Variants in BANP observed in about 807,000 individuals in gnomAD.
BANP encodes the protein protein BANP.
In BANP, 11 loss-of-function variants were observed where a neutral mutation model predicts 68.1. That is an observed-to-expected ratio of 0.16 (90% CI 0.10 to 0.27). The LOEUF (loss-of-function observed/expected upper bound fraction) is 0.27. BANP is among the 10% of genes least tolerant of loss of function. BANP has a pLI of 1.00. For missense variants in BANP, 504 were observed against 722.7 expected (o/e 0.70, Z 3.47); for synonymous variants, 329 against 303.2 (o/e 1.09, Z -0.88).
intron 7 of BANP, among the ~76,000 whole-genome samples, chr16:88,026,196 T>G (rs2076954777): frequency 6.6e-6 from 1 of 152,178 alleles, no homozygotes; most frequent in South Asian, 2.1e-4. Flanking sequence ...GTGTGCACGG[T>G]GAGCCCCAGG....
chr16:87,997,639 G>C (rs1466223267), intron 4 of BANP, among the ~76,000 whole-genome samples: 2 of 152,166 alleles, frequency 1.3e-5, no homozygotes, highest in African/African-American at 4.8e-5. Context: ...TCATGGTAAA[G>C]TGGGTGAAGT....
At chr16:88,038,822 T>C (rs11859226) in intron 11 of BANP, among the ~76,000 whole-genome samples, 9,585 of 152,256 alleles carry the variant, frequency 0.063, 572 homozygotes, top group African/African-American at 0.16. Flanking sequence ...TCTGGATCAC[T>C]GAAGAATCTG....
In BANP at chr16:88,018,279, T is replaced by C. The variant is rs2075064266; in HGVS notation, c.656-149T>C. 2.0e-6 allele frequency: 2 copies of C among 1,008,708 alleles called. No individual in the cohort carries two copies. Among genetic ancestry groups the C allele is most frequent in the African/African-American group, 3.2e-5 (2 of 62,474 alleles). The allele number at this position is 1,008,708 out of a possible 1,614,324, so 62.5% of individuals were successfully genotyped here. A position where few individuals can be genotyped will look rare whatever the true frequency, so the allele number is the denominator to read the frequency against. ...GGGCAGCAGTCGGAGGCTCCAGCGC[T>C]CTTGGTGACTGCCTCACAAGTTACG... On this transcript the variant is annotated intron_variant, in intron 6 of 13. Coordinates refer to ENST00000682872, the MANE Select transcript of BANP (RefSeq NM_001386991.1). The surrounding 1 kb of genome is among the most constrained non-coding windows in gnomAD (Gnocchi z 7.7).
chr16:87,980,036 G>A (rs921087204), intron 2 of BANP, among the ~76,000 whole-genome samples: 1 of 152,218 alleles, frequency 6.6e-6, no homozygotes, highest in African/African-American at 2.4e-5. Flanking sequence ...TGATGAGGCA[G>A]ATGGTCTCGC....
intron 4 of BANP, among the ~76,000 whole-genome samples, chr16:87,988,785 C>T (rs1169836576): frequency 6.6e-6 from 1 of 152,284 alleles, no homozygotes; most frequent in East Asian, 1.9e-4. Flanking sequence ...GAAGCTGCCC[C>T]CTGCGGTATC....
chr16:87,953,102 G>A lies in BANP; in HGVS notation c.-69+1587G>A, dbSNP rs576884309. 2.6e-5 allele frequency among the ~76,000 whole-genome samples: 4 copies of A among 152,116 alleles called. No individual in the cohort carries two copies. The East Asian group carries it at 7.7e-4, about 29-fold the overall frequency. ...AGGCAGAGGCTGCGTCCACTTTATA[G>A]ATGAGGTGACTAGGCCCGCAGACAC... On this transcript the variant is annotated intron_variant, in intron 1 of 13. Transcript: ENST00000682872.
chr16:87,983,112 C>G (rs1424354085), intron 3 of BANP, among the ~76,000 whole-genome samples: 1 of 152,144 alleles, frequency 6.6e-6, no homozygotes, highest in South Asian at 2.1e-4. Flanking sequence ...GGACCCCACG[C>G]TCTTTAGGTC....
chr16:88,056,367 ACTGT>A (rs1226543571), intron 11 of BANP, among the ~76,000 whole-genome samples: 2 of 152,200 alleles, frequency 1.3e-5, no homozygotes, highest in African/African-American at 2.4e-5. Flanking sequence ...TTCTTGGGAC[ACTGT>A]CTGTGGTTGC....
intron 11 of BANP, among the ~76,000 whole-genome samples, chr16:88,055,486 C>G (rs908570656): frequency 2.6e-5 from 4 of 152,138 alleles, no homozygotes; most frequent in African/African-American, 7.2e-5. Flanking sequence ...CATTTGTATT[C>G]CTCCTGATAC....
In BANP at chr16:88,071,856, T is replaced by A; in HGVS notation, c.1378-213T>A. ...GCGGAGTTGCAGATCCAGCAGAGAC[T>A]CGATGGCACTCTCTCACTGGATCTG... On this transcript the variant is annotated intron_variant, in intron 12 of 13. Transcript: ENST00000682872. This position sits in a 1 kb window ranked among gnomAD's most constrained non-coding sequence, Gnocchi z 6.5. 2.8e-6 allele frequency: 2 copies of A among 715,802 alleles called. No individual in the cohort carries two copies. The highest frequency in any genetic ancestry group is 5.0e-6 in the Non-Finnish European group (2 of 398,996). 44.3% of individuals were successfully genotyped at this position (715,802 alleles called of 1,614,324 possible). A position where few individuals can be genotyped will look rare whatever the true frequency, so the allele number is the denominator to read the frequency against.
intron 7 of BANP, among the ~76,000 whole-genome samples, chr16:88,021,774 C>T (rs1226316370): frequency 6.6e-6 from 1 of 152,214 alleles, no homozygotes; most frequent in East Asian, 1.9e-4. Flanking sequence ...GCTTCAGAGC[C>T]CGCAGTGACG....
At chr16:87,995,784 C>T (rs950800331) in intron 4 of BANP, among the ~76,000 whole-genome samples, 1 of 152,228 alleles carries the variant, frequency 6.6e-6, no homozygotes, top group Non-Finnish European at 1.5e-5. Flanking sequence ...TGATTGACTC[C>T]ACAGGTAACA....
chr16:88,041,941 C>T (rs1014074063), intron 11 of BANP, among the ~76,000 whole-genome samples: 4 of 152,000 alleles, frequency 2.6e-5, no homozygotes, highest in African/African-American at 4.8e-5. Context: ...GGGTGGGAGA[C>T]GCAGTAGGAG....
At chr16:88,020,026 C>T (rs1007792885) in intron 7 of BANP, among the ~76,000 whole-genome samples, 5 of 152,168 alleles carry the variant, frequency 3.3e-5, no homozygotes, top group African/African-American at 7.2e-5. Flanking sequence ...CACCAGCGGG[C>T]GCCCATCCTG....
intron 9 of BANP, 87 bp from the exon 10 acceptor site, chr16:88,035,236 T>C (rs1032372071): frequency 4.4e-5 from 53 of 1,216,546 alleles, no homozygotes; most frequent in Non-Finnish European, 6.0e-5. Flanking sequence ...AAACAGATAA[T>C]CAAGAACAAA....
intron 12 of BANP, among the ~76,000 whole-genome samples, chr16:88,066,098 A>C (rs1301267495): frequency 6.6e-6 from 1 of 152,152 alleles, no homozygotes; most frequent in Non-Finnish European, 1.5e-5. Context: ...TGCCCATGCG[A>C]GGCGGCCTCA....
At chr16:88,028,108 C>T (rs973197821) in intron 8 of BANP, among the ~76,000 whole-genome samples, 2 of 152,252 alleles carry the variant, frequency 1.3e-5, no homozygotes, top group Admixed American at 6.5e-5. Flanking sequence ...TCTCAGGCAT[C>T]GCTGGGGGGA....
intron 11 of BANP, among the ~76,000 whole-genome samples, chr16:88,062,056 A>C (rs1020711602): frequency 2.0e-5 from 3 of 152,176 alleles, no homozygotes; most frequent in Non-Finnish European, 2.9e-5. Flanking sequence ...TCATACCTTA[A>C]CAAGTTGGAT....
At chr16:88,075,746 CTT>C (rs34974822) in intron 13 of BANP, among the ~76,000 whole-genome samples, 4 of 120,900 alleles carry the variant, frequency 3.3e-5, no homozygotes, top group Non-Finnish European at 1.7e-5. Context: ...TTTTCCTTTA[CTT>C]TTTTTTTTTT....
Sources: gnomAD v4.1 joint callset for allele counts (sites outside exome capture counted in the v4.1 genomes callset) on GRCh38, gnomAD v4.1.1 for gene constraint, Gnocchi (gnomAD v3.1) non-coding constraint, MANE v1.5 for transcripts, NCBI Gene and HGNC (gene_info 2026-07-23, HGNC 2026-07-21) for gene names.